The following INPP5D variants were observed in gnomAD, a reference collection of about 807,000 sequenced individuals.
The protein encoded by INPP5D is inositol polyphosphate-5-phosphatase D.
In INPP5D, 33 loss-of-function variants were observed where a neutral mutation model predicts 122.9. The observed-to-expected ratio is 0.27, with a 90% CI of 0.20 to 0.36. The LOEUF is 0.36. INPP5D is among the 10% of genes least tolerant of loss of function. The pLI is 1.00. For missense variants in INPP5D, 1,053 were observed against 1,412.7 expected (o/e 0.75, Z 4.08); for synonymous variants, 584 against 576.2 (o/e 1.01, Z -0.19).
intron 2 of INPP5D, among the ~76,000 whole-genome samples, chr2:233,089,849 T>G (rs1051030169): frequency 7.9e-5 from 12 of 152,210 alleles, no homozygotes; most frequent in African/African-American, 2.4e-4. Context: ...GATTTTTACA[T>G]CTTGAGGGAG....
intron 2 of INPP5D, among the ~76,000 whole-genome samples, chr2:233,116,954 A>C (rs1296588234): frequency 6.6e-6 from 1 of 152,200 alleles, no homozygotes; most frequent in Non-Finnish European, 1.5e-5. Context: ...GGTTTTGTTC[A>C]AAATCAGGCT....
At chr2:233,165,627 C>T (rs1048441092) in intron 13 of INPP5D, among the ~76,000 whole-genome samples, 6 of 146,532 alleles carry the variant, frequency 4.1e-5, no homozygotes, top group Non-Finnish European at 7.4e-5. Flanking sequence ...TGTACCACCC[C>T]GTATCTATGA....
intron 2 of INPP5D, among the ~76,000 whole-genome samples, chr2:233,110,995 A>C (rs1200357380): frequency 6.6e-6 from 1 of 152,174 alleles, no homozygotes; most frequent in Non-Finnish European, 1.5e-5. Context: ...AATTTGACTT[A>C]TAGAACATTT....
intron 1 of INPP5D, among the ~76,000 whole-genome samples, chr2:233,066,848 G>T (rs1691242520): frequency 6.6e-6 from 1 of 151,882 alleles, no homozygotes. Flanking sequence ...GTGTGTTCTT[G>T]GCTCACTGTA....
intron 1 of INPP5D, among the ~76,000 whole-genome samples, chr2:233,075,262 G>T (rs1574704955): frequency 6.6e-6 from 1 of 152,142 alleles, no homozygotes; most frequent in African/African-American, 2.4e-5. Flanking sequence ...ATCTCCAATG[G>T]GAATAATCCT....
rs185256742 is a variant in INPP5D at position 233,087,336 on chromosome 2, T to C, written c.198+7938T>C. 1.4e-3 allele frequency among the ~76,000 whole-genome samples: 217 copies of C among 152,264 alleles called. 1 individual carries two copies. The highest frequency in any genetic ancestry group is 3.4e-3 in the Middle Eastern group (1 of 294). ...TATTATATTTATTTATTTATTTATT[T>C]TTTTGAGACGGAGTCTCACTCTGTC... On this transcript the variant is annotated intron_variant, in intron 2 of 26. Transcript: ENST00000445964.
intron 9 of INPP5D, among the ~76,000 whole-genome samples, chr2:233,157,706 G>A (rs1452392449): frequency 2.0e-5 from 3 of 151,896 alleles, no homozygotes; most frequent in Non-Finnish European, 2.9e-5. Flanking sequence ...AAATGTAATA[G>A]GACATAATGA....
At chr2:233,092,192 C>T (rs1350618584) in intron 2 of INPP5D, among the ~76,000 whole-genome samples, 1 of 152,198 alleles carries the variant, frequency 6.6e-6, no homozygotes, top group Non-Finnish European at 1.5e-5. Context: ...GCCCGAGCTG[C>T]CAGGCTTATC....
chr2:233,151,447 A>G (rs945667760), intron 9 of INPP5D, among the ~76,000 whole-genome samples: 2 of 152,160 alleles, frequency 1.3e-5, no homozygotes, highest in African/African-American at 2.4e-5. Flanking sequence ...CCGTCAATCC[A>G]GGATGGTGGA....
At chr2:233,122,733 G>C (rs1206747911) in intron 3 of INPP5D, among the ~76,000 whole-genome samples, 1 of 152,196 alleles carries the variant, frequency 6.6e-6, no homozygotes, top group East Asian at 1.9e-4. Context: ...CTTGAGTCCA[G>C]GAGTTCAAGG....
rs7569134 is a variant in INPP5D, at chr2:233,197,887, G to A, written c.2694-208G>A. Among the ~76,000 whole-genome samples, 3 of 152,028 alleles carry A rather than the reference G, an allele frequency of 2.0e-5. No homozygotes were observed. The highest frequency in any genetic ancestry group is 2.9e-5 in the Non-Finnish European group (2 of 67,992). On this transcript the variant is annotated intron_variant, in intron 24 of 26. Coordinates refer to ENST00000445964, the MANE Select transcript of INPP5D (RefSeq NM_001017915.3). This position sits in a 1 kb window ranked among gnomAD's most constrained non-coding sequence, Gnocchi z 4.4. ...ACTCACAGCCATATTCCCTCCTCCCGGCCTGGGGCCAGGTGCTTACGAGGC... is the reference window on the plus strand; with the variant it reads ...ACTCACAGCCATATTCCCTCCTCCCAGCCTGGGGCCAGGTGCTTACGAGGC...
chr2:233,167,673 G>A lies in INPP5D; in HGVS notation c.1556-1632G>A, dbSNP rs192848039. Among the ~76,000 whole-genome samples, 232 of 152,258 alleles carry A rather than the reference G, an allele frequency of 1.5e-3. 1 individual carries two copies. The highest frequency in any genetic ancestry group is 3.1e-3 in the Admixed American group (47 of 15,292). On this transcript the variant is annotated intron_variant, in intron 13 of 26. Coordinates refer to ENST00000445964, the MANE Select transcript of INPP5D (RefSeq NM_001017915.3). ...AGGTTGAGCCAGGTGATATCCAGGG[G>A]TCCCTTCAGCCTATGGCCTATCCAG... is the stretch of plus-strand genomic sequence containing the variant.
intron 1 of INPP5D, among the ~76,000 whole-genome samples, chr2:233,074,997 G>A (rs553083313): frequency 2.0e-5 from 3 of 152,270 alleles, no homozygotes; most frequent in African/African-American, 7.2e-5. Flanking sequence ...CCACGGGCTT[G>A]TCCTCCCATA....
intron 22 of INPP5D, among the ~76,000 whole-genome samples, chr2:233,190,984 A>C (rs1695042635): frequency 6.6e-6 from 1 of 152,110 alleles, no homozygotes; most frequent in African/African-American, 2.4e-5. Flanking sequence ...AAAAGGAGAG[A>C]AGCGGATGAC....
chr2:233,111,897 C>CA (rs1692639770), intron 2 of INPP5D, among the ~76,000 whole-genome samples: 1 of 151,626 alleles, frequency 6.6e-6, no homozygotes, highest in Non-Finnish European at 1.5e-5. Context: ...TCCGCCTCTA[C>CA]AAAAAATACA....
chr2:233,202,419 G>T (rs1695364867), intron 25 of INPP5D, among the ~76,000 whole-genome samples: 1 of 152,214 alleles, frequency 6.6e-6, no homozygotes. Flanking sequence ...AAATTAATGG[G>T]CAACACCCCC....
intron 6 of INPP5D, chr2:233,140,311 C>G (rs1278980613): frequency 6.5e-6 from 1 of 154,950 alleles, no homozygotes; most frequent in Non-Finnish European, 1.4e-5. Flanking sequence ...GATGAAGGTG[C>G]CCCCCAACCC....
chr2:233,204,644 C>T lies in INPP5D; in HGVS notation c.3494C>T (p.Thr1165Ile), dbSNP rs1463976913. ...AAGGGCCGCGACTACCGCGACAACA[C>T]CGAGCTCCCGCATCACGGCAAGCAC... is the stretch of plus-strand genomic sequence containing the variant. ...HSKGRDYRDNTELPHHGKHRP... is the reference protein window; with the variant it reads ...HSKGRDYRDNIELPHHGKHRP... Residue 1165 changes from threonine (T) to isoleucine (I), a missense_variant, in exon 26 of 27, where the codon ACC becomes ATC. Physicochemically the swap from Thr to Ile is moderately conservative, Grantham distance 89. Around this residue, in one of 6 missense-constraint regions of INPP5D, gnomAD observed 417 missense variants for 425.8 expected, o/e 0.98. Transcript: ENST00000445964. 6 of 1,584,178 alleles carry T rather than the reference C, an allele frequency of 3.8e-6. No individual in the cohort carries two copies. Among genetic ancestry groups the T allele is most frequent in the Non-Finnish European group, 4.3e-6 (5 of 1,166,538 alleles).
At chr2:233,163,540 G>T (rs529998032) in intron 11 of INPP5D, among the ~76,000 whole-genome samples, 167 bp from the exon 12 acceptor site, 2 of 152,238 alleles carry the variant, frequency 1.3e-5, no homozygotes, top group African/African-American at 4.8e-5. Context: ...GACATCCTGG[G>T]TGAGGTTGGC....
Sources: gnomAD v4.1 joint callset for allele counts (sites outside exome capture counted in the v4.1 genomes callset) on GRCh38, gnomAD v4.1.1 for gene constraint, gnomAD v4.1.1 regional missense constraint, Gnocchi (gnomAD v3.1) non-coding constraint, MANE v1.5 for transcripts, NCBI Gene and HGNC (gene_info 2026-07-23, HGNC 2026-07-21) for gene names.